The following SNX21 variants were observed in gnomAD, a reference collection of about 807,000 sequenced individuals.
SNX21 encodes sorting nexin family member 21.
SNX21 carries 36 observed loss-of-function variants against 30.9 expected under a neutral mutation model. That is an observed-to-expected ratio of 1.16 (90% CI 0.89 to 1.54). The LOEUF is 1.54. SNX21 is among the 40% of genes most tolerant of loss of function. The pLI is 0.00. For synonymous variants in SNX21, 218 were observed against 222.7 expected (o/e 0.98, Z 0.19); for missense variants, 508 against 516.5 (o/e 0.98, Z 0.16).
chr20:45,842,804 A>AT lies in SNX21; in HGVS notation c.*1493dup. ...CTCACTTCAAGGTTATCAATCTTGGATTGTGATGCTATTGGTACTTGAGAA... is the reference window on the plus strand; with the variant it reads ...CTCACTTCAAGGTTATCAATCTTGGATTTGTGATGCTATTGGTACTTGAGAA... On this transcript the variant is annotated 3_prime_UTR_variant, in exon 4 of 4. Coordinates refer to ENST00000491381, the MANE Select transcript of SNX21 (RefSeq NM_033421.4). 1 of 990,770 alleles carries AT rather than the reference A, an allele frequency of 1.0e-6. No homozygotes were observed. Among genetic ancestry groups the AT allele is most frequent in the Non-Finnish European group, 1.2e-6 (1 of 833,012 alleles). The allele number at this position is 990,770 out of a possible 1,614,324, so 61.4% of individuals were successfully genotyped here. A position where few individuals can be genotyped will look rare whatever the true frequency, so the allele number is the denominator to read the frequency against.
At position 45,840,643 on chromosome 20, in the gene SNX21, A is replaced by G. The variant is rs1166961581; in HGVS notation, c.452A>G (p.Tyr151Cys). The G allele has an allele frequency of 2.5e-6, 4 of 1,613,944 alleles. No homozygotes were observed. The highest frequency in any genetic ancestry group is 1.3e-5 in the African/African-American group (1 of 74,900). Residue 151 changes from tyrosine to cysteine, a missense_variant, in exon 4 of 4, where the codon TAC becomes TGC. Coordinates refer to ENST00000491381, the MANE Select transcript of SNX21 (RefSeq NM_033421.4). ...VKDPPSKYVLYTLAVIGPGPP... is the reference protein window; with the variant it reads ...VKDPPSKYVLCTLAVIGPGPP... Reference sequence around the variant, plus strand: ...TGACACCCACCCTCCCTGCAGCTCTACACCCTCGCCGTGATCGGCCCAGGA... The same window carrying G: ...TGACACCCACCCTCCCTGCAGCTCTGCACCCTCGCCGTGATCGGCCCAGGA...
chr20:45,834,505 T>C, intron 2 of SNX21, 37 bp downstream of exon 2: 1 of 1,558,428 alleles, frequency 6.4e-7, no homozygotes, highest in Admixed American at 1.8e-5. Context: ...ACCCTGGGGC[T>C]CGATTAGGCC....
intron 3 of SNX21, chr20:45,840,436 G>A (rs1349242781): frequency 2.5e-6 from 4 of 1,614,096 alleles, no homozygotes; most frequent in African/African-American, 1.3e-5. Flanking sequence ...CCTTGGGCCT[G>A]GGTCATTTCA....
chr20:45,834,151 G>C, intron 1 of SNX21, 50 bp from the exon 2 acceptor site: 1 of 1,441,342 alleles, frequency 6.9e-7, no homozygotes, highest in Non-Finnish European at 9.0e-7. Flanking sequence ...CGCCGGGCTG[G>C]GGTACCCCTC....
Position 45,834,230 on chromosome 20 carries a change from G to A in SNX21, c.51G>A (p.Arg17=). The change falls in exon 2 of 4, where the codon CGG becomes CGA. Residue 17 remains arginine, a synonymous_variant. Coordinates refer to ENST00000491381, the MANE Select transcript of SNX21 (RefSeq NM_033421.4). ...EGAMASRLLH[R]LRHALAGDGP... ...CCATGGCCTCCCGGCTCCTGCACCGGCTGCGGCACGCCTTGGCCGGCGACG... is the reference window on the plus strand; with the variant it reads ...CCATGGCCTCCCGGCTCCTGCACCGACTGCGGCACGCCTTGGCCGGCGACG... 6.4e-7 allele frequency: 1 copy of A among 1,559,228 alleles called. No individual in the cohort carries two copies. Among genetic ancestry groups the A allele is most frequent in the Admixed American group, 1.9e-5 (1 of 53,646 alleles).
At position 45,841,085 on chromosome 20, in the gene SNX21, C is replaced by T; in HGVS notation, c.894C>T (p.Asp298=). ...GLAVCHQELE[D]PGEARACCEK... is the part of the protein sequence containing the mutation. ...CCGTGTGCCACCAGGAGCTGGAAGA[C>T]CCTGGAGAGGCCCGGGCATGCTGTG... The change falls in exon 4 of 4, where the codon GAC becomes GAT. Residue 298 remains aspartate (D), a synonymous_variant. Coordinates refer to ENST00000491381, the MANE Select transcript of SNX21 (RefSeq NM_033421.4). The T allele has an allele frequency of 6.2e-7, 1 of 1,609,600 alleles. No homozygotes were observed. Among genetic ancestry groups the T allele is most frequent in the Non-Finnish European group, 8.5e-7 (1 of 1,178,590 alleles).
Position 45,842,015 on chromosome 20 carries a change from T to G in SNX21, c.*702T>G. Reference sequence around the variant, plus strand: ...TTCAGAACAGCCAAATACACTTTTTTTTTTTTTCCTGAAACAGAGTCTCAC... The same window carrying G: ...TTCAGAACAGCCAAATACACTTTTTGTTTTTTTCCTGAAACAGAGTCTCAC... On this transcript the variant is annotated 3_prime_UTR_variant, in exon 4 of 4. Coordinates refer to ENST00000491381, the MANE Select transcript of SNX21 (RefSeq NM_033421.4). The G allele has an allele frequency of 6.3e-7, 1 of 1,592,306 alleles. No homozygotes were observed. The highest frequency in any genetic ancestry group is 1.1e-5 in the South Asian group (1 of 88,370).
Position 45,834,395 on chromosome 20 carries a change from C to G in SNX21, c.216C>G (p.Asp72Glu). Residue 72 changes from aspartate (D) to glutamate (E), a missense_variant, in exon 2 of 4, where the codon GAC becomes GAG. Physicochemically the swap from Asp to Glu is conservative, Grantham distance 45 (BLOSUM62 2). Transcript: ENST00000491381. ...SFTSAEDDED[D>E]EDEDDEEAGP... Reference sequence around the variant, plus strand: ...CCAGCGCCGAGGACGACGAGGACGACGAGGACGAGGACGACGAGGAGGCTG... The same window carrying G: ...CCAGCGCCGAGGACGACGAGGACGAGGAGGACGAGGACGACGAGGAGGCTG... The G allele has an allele frequency of 6.3e-7, 1 of 1,598,376 alleles. No homozygotes were observed. Among genetic ancestry groups the G allele is most frequent in the Non-Finnish European group, 8.5e-7 (1 of 1,172,430 alleles).
chr20:45,839,750 AT>A (rs10700546), intron 3 of SNX21, among the ~76,000 whole-genome samples: 23 of 149,418 alleles, frequency 1.5e-4, no homozygotes, highest in African/African-American at 5.2e-4. Flanking sequence ...AAAAAAAAAA[AT>A]TTTTTTAAAT....
chr20:45,834,385 A>G lies in SNX21; in HGVS notation c.206A>G (p.Asp69Gly). ...CTCAGCTTCACCAGCGCCGAGGACG[A>G]CGAGGACGACGAGGACGAGGACGAC... The part of the protein sequence containing the change: ...GTLSFTSAED[D>G]EDDEDEDDEE... The change falls in exon 2 of 4, where the codon GAC becomes GGC. Residue 69 changes from aspartate (D) to glycine (G), a missense_variant. Asp to Gly is a moderately conservative substitution (Grantham distance 94). Transcript: ENST00000491381. 6.3e-7 allele frequency: 1 copy of G among 1,596,590 alleles called. No individual in the cohort carries two copies. The highest frequency in any genetic ancestry group is 8.5e-7 in the Non-Finnish European group (1 of 1,171,638).
At chr20:45,839,880 A>G (rs959936587) in intron 3 of SNX21, among the ~76,000 whole-genome samples, 4 of 152,116 alleles carry the variant, frequency 2.6e-5, no homozygotes, top group Non-Finnish European at 5.9e-5. Flanking sequence ...GTGTACTCCA[A>G]CCTGGCCAAC....
In SNX21 at chr20:45,835,066, T is replaced by C. The variant is rs1269862650; in HGVS notation, c.397T>C (p.Phe133Leu). 12 of 1,614,180 alleles carry C rather than the reference T, an allele frequency of 7.4e-6. No individual in the cohort carries two copies. The highest frequency in any genetic ancestry group is 1.0e-5 in the Non-Finnish European group (12 of 1,180,030). Residue 133 changes from phenylalanine (F) to leucine (L), a missense_variant, in exon 3 of 4, where the codon TTC (phenylalanine) becomes CTC (leucine). Physicochemically the swap from Phe to Leu is conservative, Grantham distance 22. Coordinates refer to ENST00000491381, the MANE Select transcript of SNX21 (RefSeq NM_033421.4). ...CACCTTGGCACCCCAGCGGCTGCTC[T>C]TCGAAGTGACCAGCGCTAACGTTGT... ...RNTLAPQRLLFEVTSANVVKD... is the reference protein window; with the variant it reads ...RNTLAPQRLLLEVTSANVVKD...
At chr20:45,839,906 CAAAAAATAATAATTAA>C (rs958935950) in intron 3 of SNX21, among the ~76,000 whole-genome samples, 1 of 151,996 alleles carries the variant, frequency 6.6e-6, no homozygotes, top group Non-Finnish European at 1.5e-5. Context: ...GACCCTGTCT[CAAAAAATAATAATTAA>C]AAGGGGACCA....
intron 3 of SNX21, 99 bp from the exon 4 acceptor site, chr20:45,840,540 T>G: frequency 6.2e-7 from 1 of 1,610,972 alleles, no homozygotes; most frequent in Non-Finnish European, 8.5e-7. Context: ...AAGGAAGAGG[T>G]GGGGAGGTAC....
In SNX21 at chr20:45,833,926, CG is replaced by C; in HGVS notation, c.8del (p.Arg3LeufsTer133). The C allele has an allele frequency of 7.0e-7, 1 of 1,431,098 alleles. No homozygotes were observed. The highest frequency in any genetic ancestry group is 1.5e-5 in the South Asian group (1 of 65,562). 88.6% of individuals were successfully genotyped at this position (1,431,098 alleles called of 1,614,324 possible). ...GGGCGCGGCGCGCCCCTGAATGCAC[CG>C]TGGGACGCAGGAGGTAGAGGCGCAC... is the stretch of plus-strand genomic sequence containing the variant. Reference protein sequence around the residue: MHRGTQEGAMASR... With the variant: MHXGTQEGAMASR... On this transcript the variant is annotated frameshift_variant, in exon 1 of 4. Coordinates refer to ENST00000491381, the MANE Select transcript of SNX21 (RefSeq NM_033421.4). LOFTEE classifies it high-confidence loss of function.
chr20:45,841,571 C>G lies in SNX21; in HGVS notation c.*258C>G. On this transcript the variant is annotated 3_prime_UTR_variant, in exon 4 of 4. Transcript: ENST00000491381. ...CCTATAAACAGCCGGGGGGCTGTGGCACAGGTTGGGGCAATGTTCCCTTGT... is the reference window on the plus strand; with the variant it reads ...CCTATAAACAGCCGGGGGGCTGTGGGACAGGTTGGGGCAATGTTCCCTTGT... The G allele has an allele frequency of 7.2e-7, 1 of 1,391,044 alleles. No homozygotes were observed. Among genetic ancestry groups the G allele is most frequent in the Non-Finnish European group, 9.3e-7 (1 of 1,080,346 alleles). The allele number at this position is 1,391,044 out of a possible 1,614,324, so 86.2% of individuals were successfully genotyped here.
Position 45,835,107 on chromosome 20 carries a change from C to T in SNX21, c.438C>T (p.Ser146=). Residue 146 remains serine, a synonymous_variant, in exon 3 of 4, where the codon TCC becomes TCT. Coordinates refer to ENST00000491381, the MANE Select transcript of SNX21 (RefSeq NM_033421.4). ...CTAACGTTGTCAAGGACCCGCCCTC[C>T]AAGTACGTGGTGAGTGAGGGTCTAG... ...TSANVVKDPP[S]KYVLYTLAVI... 1.2e-6 allele frequency: 2 copies of T among 1,612,886 alleles called. No individual in the cohort carries two copies. Among genetic ancestry groups the T allele is most frequent in the Non-Finnish European group, 8.5e-7 (1 of 1,179,180 alleles).
chr20:45,842,588 G>T lies in SNX21; in HGVS notation c.*1275G>T. On this transcript the variant is annotated 3_prime_UTR_variant, in exon 4 of 4. Coordinates refer to ENST00000491381, the MANE Select transcript of SNX21 (RefSeq NM_033421.4). ...CCCATCTGGAGACTCTTTCTCCCTT[G>T]CTGGCTTTGGGCCCAAGTTTGATGT... 1 of 993,872 alleles carries T rather than the reference G, an allele frequency of 1.0e-6. No individual in the cohort carries two copies. The highest frequency in any genetic ancestry group is 1.2e-6 in the Non-Finnish European group (1 of 835,100). 61.6% of individuals were successfully genotyped at this position (993,872 alleles called of 1,614,324 possible). A position where few individuals can be genotyped will look rare whatever the true frequency, so the allele number is the denominator to read the frequency against.
At chr20:45,840,181 A>G in intron 3 of SNX21, 1 of 1,372,950 alleles carries the variant, frequency 7.3e-7, no homozygotes, top group Non-Finnish European at 9.4e-7. Flanking sequence ...GGCTATCTAC[A>G]GACCTGTCCT....
Sources: gnomAD v4.1 joint callset for allele counts (sites outside exome capture counted in the v4.1 genomes callset) on GRCh38, gnomAD v4.1.1 for gene constraint, MANE v1.5 for transcripts, NCBI Gene and HGNC (gene_info 2026-07-23, HGNC 2026-07-21) for gene names.